ZMYND8: variants seen among roughly 807,000 people sequenced by gnomAD.
ZMYND8 encodes the protein zinc finger MYND-type containing 8, also known as MYND-type zinc finger-containing chromatin reader ZMYND8.
Under a neutral mutation model 140.8 loss-of-function variants are expected in ZMYND8, and 37 were observed. The ratio of observed to expected loss-of-function variants is 0.26; its 90% confidence interval spans 0.20 to 0.35. The LOEUF is 0.35. Among genes scored for constraint, ZMYND8 ranks in the 10% least tolerant of loss-of-function variants. The probability of loss-of-function intolerance (pLI) is 1.00; values close to 1 mark genes in which losing one functional copy is unlikely to be tolerated. For missense variants in ZMYND8, 1,068 were observed against 1,570.0 expected (o/e 0.68, Z 5.40); for synonymous variants, 592 against 597.1 (o/e 0.99, Z 0.12).
intron 12 of ZMYND8, among the ~76,000 whole-genome samples, 194 bp downstream of exon 12, chr20:47,262,094 T>A (rs1450813783): frequency 2.6e-5 from 4 of 152,042 alleles, no homozygotes; most frequent in Admixed American, 6.6e-5. Context: ...GTAATTTGTA[T>A]GTCAATAAGC....
chr20:47,348,171 G>A, intron 1 of ZMYND8: 1 of 516,844 alleles, frequency 1.9e-6, no homozygotes, highest in East Asian at 3.5e-5. Flanking sequence ...CATGCTATTG[G>A]GGAATGCAAA....
chr20:47,329,615 G>C (rs576495938), intron 2 of ZMYND8, among the ~76,000 whole-genome samples: 1 of 152,162 alleles, frequency 6.6e-6, no homozygotes, highest in South Asian at 2.1e-4. Flanking sequence ...TGTTGGTCAG[G>C]CTGGTCTCAA....
chr20:47,337,749 G>T (rs1426619321), intron 2 of ZMYND8, among the ~76,000 whole-genome samples: 2 of 152,084 alleles, frequency 1.3e-5, no homozygotes, highest in Non-Finnish European at 2.9e-5. Context: ...GCATCTTTCA[G>T]CAGGATCATT....
intron 22 of ZMYND8, 141 bp downstream of exon 22, chr20:47,212,501 G>T: frequency 3.3e-6 from 3 of 914,842 alleles, no homozygotes; most frequent in Non-Finnish European, 5.3e-6. Context: ...AAGAAGAAAC[G>T]TTGCAAAGGA....
rs899067397 is a variant in ZMYND8 at position 47,302,143 on chromosome 20, GAACA to G, written c.235-3200_235-3197del. ...GGGTATGTCTTCATTAGCAGCATGAGAACAAACAAACTAATACAGTATGTATGAA... is the reference window on the plus strand; with the variant it reads ...GGGTATGTCTTCATTAGCAGCATGAGAACAAACTAATACAGTATGTATGAA... On this transcript the variant is annotated intron_variant, in intron 3 of 22. Coordinates refer to ENST00000471951, the MANE Select transcript of ZMYND8 (RefSeq NM_001281775.3). Among the ~76,000 whole-genome samples the G allele has an allele frequency of 2.0e-5, 3 of 152,068 alleles. No homozygotes were observed. The East Asian group carries it at 5.8e-4, about 29-fold the overall frequency.
At chr20:47,313,445 A>C (rs755303972) in intron 2 of ZMYND8, among the ~76,000 whole-genome samples, 2 of 151,618 alleles carry the variant, frequency 1.3e-5, no homozygotes, top group African/African-American at 2.4e-5. Flanking sequence ...ACATGGTGAA[A>C]CCCCGTCTCT....
intron 21 of ZMYND8, among the ~76,000 whole-genome samples, chr20:47,214,663 T>G (rs1005587193): frequency 6.6e-6 from 1 of 152,090 alleles, no homozygotes; most frequent in Non-Finnish European, 1.5e-5. Flanking sequence ...CTAGCTAATT[T>G]TTTGTACTTT....
chr20:47,211,091 G>A (rs1704875026), intron 22 of ZMYND8, among the ~76,000 whole-genome samples, 194 bp from the exon 23 acceptor site: 1 of 152,140 alleles, frequency 6.6e-6, no homozygotes, highest in Admixed American at 6.5e-5. Flanking sequence ...TATTTTTTAG[G>A]ATTTAACGAC....
chr20:47,328,636 G>T (rs2080667924), intron 2 of ZMYND8, among the ~76,000 whole-genome samples: 1 of 151,984 alleles, frequency 6.6e-6, no homozygotes, highest in African/African-American at 2.4e-5. Flanking sequence ...GCTAATTTTT[G>T]TATTTTTAGT....
At chr20:47,355,224 A>C (rs548957379) in intron 1 of ZMYND8, among the ~76,000 whole-genome samples, 3 of 152,356 alleles carry the variant, frequency 2.0e-5, no homozygotes, top group East Asian at 1.9e-4. Context: ...CCCCTGACTC[A>C]GGGTAAACAG....
intron 2 of ZMYND8, among the ~76,000 whole-genome samples, chr20:47,315,137 A>T (rs2079276620): frequency 6.6e-6 from 1 of 152,204 alleles, no homozygotes; most frequent in Admixed American, 6.5e-5. Flanking sequence ...AGACAGTAAT[A>T]TACTTGTAAG....
intron 1 of ZMYND8, chr20:47,352,500 C>T (rs1285275430): frequency 3.0e-6 from 3 of 985,318 alleles, no homozygotes; most frequent in Admixed American, 6.1e-5. Flanking sequence ...TTTCTGACCA[C>T]CCCCAACAGA....
At chr20:47,263,770 C>G (rs1259456339) in intron 11 of ZMYND8, among the ~76,000 whole-genome samples, 1 of 152,194 alleles carries the variant, frequency 6.6e-6, no homozygotes, top group African/African-American at 2.4e-5. Flanking sequence ...GGGACAATAA[C>G]AGTAGCTACA....
At chr20:47,233,175 A>C (rs990311919) in intron 16 of ZMYND8, among the ~76,000 whole-genome samples, 9 of 143,798 alleles carry the variant, frequency 6.3e-5, no homozygotes, top group Non-Finnish European at 1.1e-4. Context: ...CCGAAGTGCT[A>C]GGATTCCAGG....
chr20:47,236,757 C>T (rs1478311994), intron 15 of ZMYND8, among the ~76,000 whole-genome samples: 3 of 152,124 alleles, frequency 2.0e-5, no homozygotes, highest in Non-Finnish European at 2.9e-5. Context: ...CTAGGATGAC[C>T]CCAACCCCCT....
At chr20:47,230,704 A>G (rs1047123571) in intron 16 of ZMYND8, among the ~76,000 whole-genome samples, 4 of 152,180 alleles carry the variant, frequency 2.6e-5, no homozygotes, top group Admixed American at 6.6e-5. Context: ...ATACTATACC[A>G]TTCATTCATT....
intron 17 of ZMYND8, among the ~76,000 whole-genome samples, chr20:47,227,818 T>G (rs1330107131): frequency 6.6e-6 from 1 of 152,176 alleles, no homozygotes; most frequent in East Asian, 1.9e-4. Flanking sequence ...TTTGGCCAGG[T>G]GCGGTGGCTC....
At chr20:47,342,573 C>T (rs1232836425) in intron 2 of ZMYND8, among the ~76,000 whole-genome samples, 1 of 147,970 alleles carries the variant, frequency 6.8e-6, no homozygotes, top group African/African-American at 2.5e-5. Context: ...AAGCTGGGCA[C>T]GGAGGCTCAT....
At chr20:47,256,860 TC>T (rs2147470770) in intron 12 of ZMYND8, among the ~76,000 whole-genome samples, 1 of 152,150 alleles carries the variant, frequency 6.6e-6, no homozygotes, top group African/African-American at 2.4e-5. Context: ...GTGACGACGT[TC>T]CCTGGCCCTG....
Sources: gnomAD v4.1 joint callset for allele counts (sites outside exome capture counted in the v4.1 genomes callset) on GRCh38, gnomAD v4.1.1 for gene constraint, MANE v1.5 for transcripts, NCBI Gene and HGNC (gene_info 2026-07-23, HGNC 2026-07-21) for gene names.